The following ACOXL variants were observed in gnomAD, a reference collection of about 807,000 sequenced individuals.
ACOXL encodes acyl-CoA oxidase like.
ACOXL carries 70 observed loss-of-function variants against 71.9 expected under a neutral mutation model. That is an observed-to-expected ratio of 0.97 (90% CI 0.80 to 1.19). ACOXL has a LOEUF of 1.19. Among genes scored for constraint, ACOXL ranks in the 50% most tolerant of loss-of-function variants. The pLI, the probability that ACOXL is intolerant of heterozygous loss-of-function variation, is 0.00. For missense variants in ACOXL, 703 were observed against 736.3 expected (o/e 0.95, Z 0.52); for synonymous variants, 253 against 281.6 (o/e 0.90, Z 1.02).
Position 111,050,808 on chromosome 2 carries a change from A to G in ACOXL, c.1440+1520A>G, listed in dbSNP as rs143430301. ...TGGCCTCCCCGACTTGGGATGCCGC[A>G]GCCCCCTCTGAGTTTCTTCACATCT... On this transcript the variant is annotated intron_variant, in intron 16 of 17. Coordinates refer to ENST00000439055, the MANE Select transcript of ACOXL (RefSeq NM_001142807.4). Among the ~76,000 whole-genome samples, 344 of 152,286 alleles carry G rather than the reference A, an allele frequency of 2.3e-3. 2 individuals carry two copies. Among genetic ancestry groups the G allele is most frequent in the African/African-American group, 8.0e-3 (334 of 41,560 alleles).
intron 17 of ACOXL, among the ~76,000 whole-genome samples, chr2:111,110,301 C>A (rs1574794444): frequency 6.6e-6 from 1 of 152,294 alleles, no homozygotes; most frequent in Non-Finnish European, 1.5e-5. Flanking sequence ...AGTCCACCCA[C>A]CCCATCACAC....
chr2:110,745,686 G>C (rs1415009241), intron 1 of ACOXL, among the ~76,000 whole-genome samples: 1 of 152,192 alleles, frequency 6.6e-6, no homozygotes, highest in African/African-American at 2.4e-5. Flanking sequence ...TTGTTTTTCT[G>C]GGTAGACGCT....
At chr2:110,830,422 A>C (rs1689679750) in intron 9 of ACOXL, among the ~76,000 whole-genome samples, 1 of 152,032 alleles carries the variant, frequency 6.6e-6, no homozygotes, top group Non-Finnish European at 1.5e-5. Flanking sequence ...TTTCCACAAT[A>C]AATCTATTGC....
intron 1 of ACOXL, among the ~76,000 whole-genome samples, chr2:110,750,252 C>T (rs1363006031): frequency 6.6e-6 from 1 of 152,174 alleles, no homozygotes; most frequent in Non-Finnish European, 1.5e-5. Context: ...AGGTTGATCT[C>T]TTTCCCCCAT....
At chr2:111,093,012 G>A in intron 17 of ACOXL, 46 bp downstream of exon 17, 1 of 1,487,156 alleles carries the variant, frequency 6.7e-7, no homozygotes, top group Non-Finnish European at 9.3e-7. Context: ...ATCAGCCCTG[G>A]TCTCCTTGCT....
intron 12 of ACOXL, among the ~76,000 whole-genome samples, chr2:110,973,205 A>G (rs994839544): frequency 1.1e-4 from 16 of 152,256 alleles, no homozygotes; most frequent in East Asian, 3.8e-4. Flanking sequence ...GACAATGTCA[A>G]TGACACTGAC....
At chr2:111,075,762 C>T (rs2067570216) in intron 16 of ACOXL, among the ~76,000 whole-genome samples, 1 of 152,020 alleles carries the variant, frequency 6.6e-6, no homozygotes, top group Non-Finnish European at 1.5e-5. Flanking sequence ...TTATATATTG[C>T]ATTTTCATTG....
intron 7 of ACOXL, 42 bp downstream of exon 7, chr2:110,799,142 C>T (rs2105313427): frequency 2.5e-6 from 4 of 1,572,038 alleles, no homozygotes; most frequent in Admixed American, 1.7e-5. Context: ...ACTCTTCCTA[C>T]CTGCTCCCCA....
chr2:110,815,616 T>C (rs2105457421), intron 9 of ACOXL, among the ~76,000 whole-genome samples: 1 of 152,282 alleles, frequency 6.6e-6, no homozygotes, highest in African/African-American at 2.4e-5. Context: ...ATATGTGGCT[T>C]TTCCAGATTA....
At chr2:110,751,362 G>A (rs1381274249) in intron 1 of ACOXL, among the ~76,000 whole-genome samples, 4 of 151,634 alleles carry the variant, frequency 2.6e-5, no homozygotes, top group Non-Finnish European at 5.9e-5. Flanking sequence ...TTGACATTGA[G>A]GATCTTTATA....
At chr2:110,901,602 C>T (rs1206159312) in intron 10 of ACOXL, among the ~76,000 whole-genome samples, 2 of 151,818 alleles carry the variant, frequency 1.3e-5, no homozygotes, top group African/African-American at 4.8e-5. Context: ...TGTATTTAAT[C>T]ACAGTCAAGT....
intron 1 of ACOXL, among the ~76,000 whole-genome samples, chr2:110,740,965 C>T (rs879890390): frequency 6.6e-6 from 1 of 152,182 alleles, no homozygotes; most frequent in Non-Finnish European, 1.5e-5. Context: ...ACAAGCTGTT[C>T]ATGTTGGAGG....
chr2:110,986,143 C>T (rs771746214), intron 12 of ACOXL, among the ~76,000 whole-genome samples: 4 of 152,024 alleles, frequency 2.6e-5, no homozygotes, highest in Admixed American at 6.6e-5. Flanking sequence ...CAAAAGTATA[C>T]GGTTAGTAAA....
At chr2:110,978,977 G>T (rs1281020859) in intron 12 of ACOXL, among the ~76,000 whole-genome samples, 1 of 152,168 alleles carries the variant, frequency 6.6e-6, no homozygotes, top group Non-Finnish European at 1.5e-5. Context: ...GGTGTTGGGA[G>T]GGGGCTGACA....
chr2:111,021,051 C>A (rs1390713519), intron 14 of ACOXL, among the ~76,000 whole-genome samples: 1 of 152,170 alleles, frequency 6.6e-6, no homozygotes, highest in Non-Finnish European at 1.5e-5. Context: ...CAGGGGCACG[C>A]CTCCCTAGAC....
chr2:111,109,058 C>T (rs2150074164), intron 17 of ACOXL, among the ~76,000 whole-genome samples: 1 of 152,300 alleles, frequency 6.6e-6, no homozygotes, highest in African/African-American at 2.4e-5. Flanking sequence ...ATCAGAGTCT[C>T]CAGGAACTGG....
chr2:110,869,791 C>T (rs771659412), intron 10 of ACOXL, among the ~76,000 whole-genome samples: 5 of 152,234 alleles, frequency 3.3e-5, no homozygotes, highest in Admixed American at 6.5e-5. Context: ...TGCCCCTTGC[C>T]GTCCTCCTGG....
At chr2:111,087,728 T>C (rs1286720087) in intron 16 of ACOXL, among the ~76,000 whole-genome samples, 1 of 152,160 alleles carries the variant, frequency 6.6e-6, no homozygotes, top group Non-Finnish European at 1.5e-5. Context: ...ATTCCAGACG[T>C]AGGAACTGGC....
intron 11 of ACOXL, among the ~76,000 whole-genome samples, chr2:110,923,401 A>G (rs539898456): frequency 4.9e-4 from 74 of 152,128 alleles, no homozygotes; most frequent in African/African-American, 1.7e-3. Flanking sequence ...CTGCCACTCA[A>G]TTGGTTTCAA....
Sources: allele counts gnomAD v4.1 joint callset (sites outside exome capture counted in the v4.1 genomes callset), GRCh38; gene constraint gnomAD v4.1.1; transcripts MANE v1.5; gene names NCBI Gene and HGNC (gene_info 2026-07-23, HGNC 2026-07-21).